The following KCNG2 variants were observed in gnomAD, a reference collection of about 807,000 sequenced individuals.
KCNG2 encodes voltage-gated potassium channel regulatory subunit KCNG2.
A neutral mutation model predicts 12.3 loss-of-function variants in KCNG2; 7 were observed. That is an observed-to-expected ratio of 0.57 (90% CI 0.32 to 1.07). The LOEUF is 1.07. Ranked by LOEUF, KCNG2 falls within the 50% of genes least tolerant of loss-of-function variation. KCNG2 has a pLI of 0.04. For synonymous variants in KCNG2, 414 were observed against 351.4 expected (o/e 1.18, Z -1.99); for missense variants, 703 against 726.0 (o/e 0.97, Z 0.36).
At chr18:79,814,156 G>T (rs1468959428) in intron 1 of KCNG2, among the ~76,000 whole-genome samples, 1 of 152,224 alleles carries the variant, frequency 6.6e-6, no homozygotes. Context: ...TGCTGGGAAT[G>T]TAAAATGGCT....
At chr18:79,826,265 T>A (rs1316948065) in intron 1 of KCNG2, among the ~76,000 whole-genome samples, 1 of 152,184 alleles carries the variant, frequency 6.6e-6, no homozygotes, top group Non-Finnish European at 1.5e-5. Flanking sequence ...GGAAGGTGGG[T>A]CCTGCTCCCT....
intron 3 of KCNG2, among the ~76,000 whole-genome samples, chr18:79,894,940 T>C (rs1407914199): frequency 6.7e-6 from 1 of 149,754 alleles, no homozygotes; most frequent in Non-Finnish European, 1.5e-5. Flanking sequence ...CATTCACATC[T>C]AATGTTACGA....
At chr18:79,838,295 G>A (rs1442540670) in intron 1 of KCNG2, among the ~76,000 whole-genome samples, 2 of 152,108 alleles carry the variant, frequency 1.3e-5, no homozygotes, top group Admixed American at 6.5e-5. Flanking sequence ...AATCATATAA[G>A]TGTTCTCAGT....
At chr18:79,888,995 A>C (rs1424022534) in intron 3 of KCNG2, among the ~76,000 whole-genome samples, 1 of 152,098 alleles carries the variant, frequency 6.6e-6, no homozygotes, top group Non-Finnish European at 1.5e-5. Flanking sequence ...GCCCAATTTT[A>C]AATTGGGTTG....
chr18:79,823,027 G>A (rs571062549), intron 1 of KCNG2, among the ~76,000 whole-genome samples: 7 of 152,328 alleles, frequency 4.6e-5, no homozygotes, highest in Admixed American at 3.9e-4. Context: ...TGGGGAGACA[G>A]CCTTAGTTTC....
chr18:79,813,084 G>A (rs1017044873), intron 1 of KCNG2, among the ~76,000 whole-genome samples: 1 of 152,246 alleles, frequency 6.6e-6, no homozygotes, highest in Non-Finnish European at 1.5e-5. Context: ...GAACCCAGGA[G>A]GGGGAGGTTG....
chr18:79,885,405 C>T (rs1421249571), intron 3 of KCNG2, among the ~76,000 whole-genome samples: 1 of 152,188 alleles, frequency 6.6e-6, no homozygotes, highest in Non-Finnish European at 1.5e-5. Context: ...GGAAACGTGC[C>T]CGCCGACCAT....
At chr18:79,840,349 A>T (rs1038363433) in intron 1 of KCNG2, among the ~76,000 whole-genome samples, 21 of 152,226 alleles carry the variant, frequency 1.4e-4, no homozygotes, top group Non-Finnish European at 2.9e-5. Flanking sequence ...TAAACATAGA[A>T]TATAATACCC....
At chr18:79,859,497 AC>A (rs1456200061) in intron 2 of KCNG2, among the ~76,000 whole-genome samples, 1 of 152,162 alleles carries the variant, frequency 6.6e-6, no homozygotes, top group East Asian at 1.9e-4. Flanking sequence ...GGCGGGTTCA[AC>A]AGCCAACTCT....
intron 1 of KCNG2, among the ~76,000 whole-genome samples, chr18:79,805,713 T>A (rs943009528): frequency 2.0e-5 from 3 of 152,336 alleles, no homozygotes; most frequent in Admixed American, 2.0e-4. Context: ...CCATGTGTGG[T>A]TGCAGGGCCA....
chr18:79,830,164 T>C (rs570033675), intron 1 of KCNG2, among the ~76,000 whole-genome samples: 20 of 152,298 alleles, frequency 1.3e-4, no homozygotes, highest in African/African-American at 4.8e-4. Flanking sequence ...CCCAGGTGTG[T>C]GGTTGTGGAC....
chr18:79,871,562 G>A (rs956000759), intron 3 of KCNG2, among the ~76,000 whole-genome samples: 5 of 152,172 alleles, frequency 3.3e-5, no homozygotes, highest in African/African-American at 4.8e-5. Flanking sequence ...TGAGAATCTC[G>A]GGGGACGTCA....
At position 79,899,671 on chromosome 18, in the gene KCNG2, A is replaced by G; in HGVS notation, c.1256A>G (p.Gln419Arg). Reference sequence around the variant, plus strand: ...TCCTACTCCGAGCTCAAGGAGCAGCAGCAGCGCGCGGCCAGCCCCGAGCCG... The same window carrying G: ...TCCTACTCCGAGCTCAAGGAGCAGCGGCAGCGCGCGGCCAGCCCCGAGCCG... ...SRSYSELKEQ[Q>R]QRAASPEPAL... The change falls in exon 4 of 4, where the codon CAG becomes CGG. Residue 419 changes from glutamine (Q) to arginine (R), a missense_variant. Coordinates refer to ENST00000316249, the MANE Select transcript of KCNG2 (RefSeq NM_012283.2). The G allele has an allele frequency of 6.2e-7, 1 of 1,607,956 alleles. No individual in the cohort carries two copies. The highest frequency in any genetic ancestry group is 8.5e-7 in the Non-Finnish European group (1 of 1,178,026).
intron 1 of KCNG2, among the ~76,000 whole-genome samples, chr18:79,826,622 T>A (rs766231003): frequency 3.6e-5 from 5 of 140,574 alleles, no homozygotes; most frequent in Non-Finnish European, 7.5e-5. Context: ...AGTGAGCAGC[T>A]CCTCACGGAA....
chr18:79,864,216 C>G lies in KCNG2; in HGVS notation c.549C>G (p.Ser183=). The G allele has an allele frequency of 1.3e-6, 2 of 1,549,902 alleles. No homozygotes were observed. Among genetic ancestry groups the G allele is most frequent in the Non-Finnish European group, 1.7e-6 (2 of 1,152,192 alleles). The change falls in exon 3 of 4, where the codon TCC becomes TCG. Residue 183 remains serine, a synonymous_variant. Transcript: ENST00000316249. ...CGGGCAAGCTCTTCGCCTGCGTGTC[C>G]GTGTCCTTCGTGGCCGTCACGGCCG... ...GLAGKLFACV[S]VSFVAVTAVG...
At chr18:79,847,812 G>A (rs892594355) in intron 1 of KCNG2, among the ~76,000 whole-genome samples, 23 of 152,198 alleles carry the variant, frequency 1.5e-4, no homozygotes, top group Non-Finnish European at 8.8e-5. Flanking sequence ...GTGGGGCCAC[G>A]TGTCCCCTGG....
chr18:79,801,432 G>A lies in KCNG2; in HGVS notation c.-115+3418G>A, dbSNP rs9955073. Among the ~76,000 whole-genome samples the A allele has an allele frequency of 9.4e-3, 1,438 of 152,302 alleles. 11 individuals carry two copies. The highest frequency in any genetic ancestry group is 0.033 in the African/African-American group (1,354 of 41,566). ...ATCCCTGCTGGGTTTCCTCAGCCGG[G>A]GCCTGTGGAGGGGCCACACCTGCCC... On this transcript the variant is annotated intron_variant, in intron 1 of 3. Transcript: ENST00000316249.
intron 2 of KCNG2, among the ~76,000 whole-genome samples, chr18:79,862,585 G>A (rs1415774162): frequency 6.6e-6 from 1 of 152,186 alleles, no homozygotes; most frequent in Non-Finnish European, 1.5e-5. Context: ...GCGCAGCCGA[G>A]GCGTGTGCGT....
chr18:79,883,011 A>T (rs1416465104), intron 3 of KCNG2, among the ~76,000 whole-genome samples: 1 of 152,230 alleles, frequency 6.6e-6, no homozygotes, highest in Non-Finnish European at 1.5e-5. Flanking sequence ...GCGAGTGTTC[A>T]GCCGGCTTTA....
Sources: gnomAD v4.1 joint callset for allele counts (sites outside exome capture counted in the v4.1 genomes callset) on GRCh38, gnomAD v4.1.1 for gene constraint, MANE v1.5 for transcripts, NCBI Gene and HGNC (gene_info 2026-07-23, HGNC 2026-07-21) for gene names.